The following PPIL6 variants were observed in gnomAD, a reference collection of about 807,000 sequenced individuals.
PPIL6 encodes peptidylprolyl isomerase like 6.
PPIL6 carries 39 observed loss-of-function variants against 36.8 expected under a neutral mutation model. That is an observed-to-expected ratio of 1.06 (90% CI 0.82 to 1.38). PPIL6 has a LOEUF of 1.38. Among genes scored for constraint, PPIL6 ranks in the 40% most tolerant of loss-of-function variants. PPIL6 has a pLI of 0.00. For synonymous variants in PPIL6, 123 were observed against 134.1 expected, an observed-to-expected ratio of 0.92 and a Z score of 0.57; for missense variants, 368 against 379.1, an observed-to-expected ratio of 0.97 and a Z score of 0.24.
At chr6:109,440,913 C>A (rs1164818204), upstream of PPIL6, 2 of 574,648 alleles carry the variant, frequency 3.5e-6, no homozygotes, top group Non-Finnish European at 6.0e-6. Context: ...TCCGGGTTGG[C>A]GGCCCGCCTG....
chr6:109,417,922 A>G (rs1047083109), intron 6 of PPIL6, among the ~76,000 whole-genome samples: 3 of 152,192 alleles, frequency 2.0e-5, no homozygotes, highest in Non-Finnish European at 4.4e-5. Flanking sequence ...GAATATGCAC[A>G]TCGTTTCCTA....
At position 109,440,497 on chromosome 6, in the gene PPIL6, A is replaced by C; in HGVS notation, c.94T>G (p.Phe32Val). ...GCAATCTGAAAGTTGGGGCAGCTGA[A>C]GAGCCCCACCACCTTCACCTGCAGC... is the stretch of plus-strand genomic sequence containing the variant. ...RPLQVKVVGL[F>V]SCPNFQIAKS... is the part of the protein sequence containing the mutation. The change falls in exon 1 of 8, where the codon TTC becomes GTC. Residue 32 changes from phenylalanine to valine, a missense_variant. By Grantham distance (50) the Phe-to-Val change is conservative (BLOSUM62 -1). Transcript: ENST00000521072. The C allele has an allele frequency of 1.3e-6, 2 of 1,538,844 alleles. No individual in the cohort carries two copies. The highest frequency in any genetic ancestry group is 2.4e-5 in the South Asian group (2 of 83,032).
At chr6:109,406,789 A>G (rs181588315) in intron 6 of PPIL6, among the ~76,000 whole-genome samples, 2 of 152,316 alleles carry the variant, frequency 1.3e-5, no homozygotes, top group African/African-American at 4.8e-5. Flanking sequence ...ATATCATTAT[A>G]AACTCACAGA....
At chr6:109,422,028 C>T (rs914044259) in intron 5 of PPIL6, among the ~76,000 whole-genome samples, 1 of 152,186 alleles carries the variant, frequency 6.6e-6, no homozygotes, top group Non-Finnish European at 1.5e-5. Flanking sequence ...AGGCGCATGC[C>T]ACCACGCCCA....
At position 109,392,065 on chromosome 6, in the gene PPIL6, A is replaced by G. The variant is rs1772114491; in HGVS notation, c.*761T>C. The G allele has an allele frequency of 6.6e-6, 1 of 152,244 alleles. No homozygotes were observed. The highest frequency in any genetic ancestry group is 6.5e-5 in the Admixed American group (1 of 15,282). The allele number at this position is 152,244 out of a possible 1,614,324, so 9.4% of individuals were successfully genotyped here. On this transcript the variant is annotated 3_prime_UTR_variant, in exon 8 of 8. Coordinates refer to ENST00000521072, the MANE Select transcript of PPIL6 (RefSeq NM_173672.5). ...TTCTCAACCAACAGTAACATAAACA[A>G]CACAACACAGGGCTCTGTTAGTCTC...
intron 6 of PPIL6, 145 bp downstream of exon 6, chr6:109,419,042 C>A: frequency 1.7e-6 from 1 of 575,952 alleles, no homozygotes; most frequent in Non-Finnish European, 3.1e-6. Context: ...TAGGGCGCTT[C>A]CCCCCGATCT....
At chr6:109,440,038 T>C (rs1332518129) in intron 1 of PPIL6, 1 of 276,600 alleles carries the variant, frequency 3.6e-6, no homozygotes. Context: ...CAAAAATCGC[T>C]TGGGCCGAGG....
chr6:109,428,190 A>G (rs1400516882), intron 3 of PPIL6, among the ~76,000 whole-genome samples: 1 of 152,210 alleles, frequency 6.6e-6, no homozygotes, highest in African/African-American at 2.4e-5. Flanking sequence ...TGCTAGTTTC[A>G]ACATAATAGC....
chr6:109,415,664 T>G (rs1222155400), intron 6 of PPIL6, among the ~76,000 whole-genome samples: 9 of 152,236 alleles, frequency 5.9e-5, no homozygotes, highest in Non-Finnish European at 1.3e-4. Context: ...TTCATGGCTT[T>G]TTCTATAACG....
intron 1 of PPIL6, chr6:109,440,151 T>G (rs566086061): frequency 3.4e-4 from 99 of 294,276 alleles, no homozygotes; most frequent in African/African-American, 8.2e-4. Flanking sequence ...AATCTGCGGG[T>G]GTGTGTGTGT....
chr6:109,440,632 T>A (rs1310947093), upstream of PPIL6: 1 of 1,197,602 alleles, frequency 8.4e-7, no homozygotes, highest in African/African-American at 1.6e-5. Context: ...ACACTGCGCG[T>A]CGCTCCGGCA....
At chr6:109,405,874 A>C (rs7773095) in intron 6 of PPIL6, among the ~76,000 whole-genome samples, 47,136 of 151,968 alleles carry the variant, frequency 0.31, 7,443 homozygotes, top group Middle Eastern at 0.41. Flanking sequence ...TTTGCAAGGT[A>C]TGTATGTTTC....
rs1204640878 is a variant in PPIL6 at position 109,391,843 on chromosome 6, C to A, written c.*983G>T. The A allele has an allele frequency of 2.0e-5, 3 of 151,868 alleles. No homozygotes were observed. The highest frequency in any genetic ancestry group is 7.3e-5 in the African/African-American group (3 of 41,312). 9.4% of individuals were successfully genotyped at this position (151,868 alleles called of 1,614,324 possible). ...TATGAAAACATCCAAAGTGTAGATA[C>A]TCTTTCTGAATGCTGGTATAAACAA... On this transcript the variant is annotated 3_prime_UTR_variant, in exon 8 of 8. Transcript: ENST00000521072.
intron 1 of PPIL6, among the ~76,000 whole-genome samples, chr6:109,436,617 A>G (rs541006664): frequency 1.3e-5 from 2 of 152,282 alleles, no homozygotes; most frequent in South Asian, 4.1e-4. Context: ...GCTACTTGGG[A>G]GGCTGAGGCA....
intron 7 of PPIL6, among the ~76,000 whole-genome samples, chr6:109,394,547 G>A (rs904002731): frequency 6.6e-6 from 1 of 152,042 alleles, no homozygotes; most frequent in African/African-American, 2.4e-5. Flanking sequence ...GCTTGGGCTT[G>A]GACAGTGGCT....
intron 6 of PPIL6, chr6:109,403,192 T>C: frequency 2.0e-6 from 2 of 982,040 alleles, no homozygotes; most frequent in Non-Finnish European, 2.9e-6. Flanking sequence ...CAGACTAGTC[T>C]TGAACTCCTG....
intron 1 of PPIL6, among the ~76,000 whole-genome samples, chr6:109,437,362 G>A (rs1000056939): frequency 6.6e-6 from 1 of 152,134 alleles, no homozygotes; most frequent in Non-Finnish European, 1.5e-5. Flanking sequence ...GTCATCAGGG[G>A]TGAGTATTCC....
rs531446486 is a variant in PPIL6 at position 109,401,009 on chromosome 6, G to A, written c.689-839C>T. 4.7e-5 allele frequency among the ~76,000 whole-genome samples: 7 copies of A among 148,418 alleles called. No homozygotes were observed. In the South Asian group the frequency reaches 6.4e-4, roughly 14 times the overall value. On this transcript the variant is annotated intron_variant, in intron 6 of 7. Coordinates refer to ENST00000521072, the MANE Select transcript of PPIL6 (RefSeq NM_173672.5). ...CGAGTAGCTGGGACTACAGGCGCCC[G>A]CCACCATGCCCGGCTAATTTTTTTT...
intron 3 of PPIL6, among the ~76,000 whole-genome samples, chr6:109,427,872 T>C (rs1264863580): frequency 6.6e-6 from 1 of 152,118 alleles, no homozygotes; most frequent in East Asian, 1.9e-4. Flanking sequence ...TTTCCTATTT[T>C]TGGGAAGGAT....
Sources: gnomAD v4.1 joint callset for allele counts (sites outside exome capture counted in the v4.1 genomes callset) on GRCh38, gnomAD v4.1.1 for gene constraint, MANE v1.5 for transcripts, NCBI Gene and HGNC (gene_info 2026-07-23, HGNC 2026-07-21) for gene names.